The following STMN4 variants were observed in gnomAD, a reference collection of about 807,000 sequenced individuals.
STMN4 encodes stathmin 4, also known as stathmin-4.
Under a neutral mutation model 29.1 loss-of-function variants are expected in STMN4, and 12 were observed. That is an observed-to-expected ratio of 0.41 (90% confidence interval 0.26 to 0.67). STMN4 has a LOEUF of 0.67. Ranked by LOEUF, STMN4 falls within the 30% of genes least tolerant of loss-of-function variation. The pLI, the probability that STMN4 is intolerant of heterozygous loss-of-function variation, is 0.30. For missense variants in STMN4, 181 were observed against 262.8 expected (o/e 0.69, Z 2.15); for synonymous variants, 114 against 105.3 (o/e 1.08, Z -0.51).
intron 6 of STMN4, among the ~76,000 whole-genome samples, chr8:27,237,728 C>T (rs1222177654): frequency 6.6e-6 from 1 of 152,184 alleles, no homozygotes; most frequent in Non-Finnish European, 1.5e-5. Flanking sequence ...TTGGCTGGCT[C>T]ACTTCTCCAA....
chr8:27,251,917 G>C (rs1042403573), intron 1 of STMN4, among the ~76,000 whole-genome samples: 1 of 151,094 alleles, frequency 6.6e-6, no homozygotes, highest in Non-Finnish European at 1.5e-5. Context: ...CCACTAACTC[G>C]TCATCTAGCA....
chr8:27,248,421 C>G (rs1801690096), intron 1 of STMN4, among the ~76,000 whole-genome samples: 1 of 152,054 alleles, frequency 6.6e-6, no homozygotes, highest in African/African-American at 2.4e-5. Context: ...TACTCAGGAA[C>G]ACAGGAGGCC....
chr8:27,242,196 C>T (rs1054059778), intron 3 of STMN4: 9 of 605,492 alleles, frequency 1.5e-5, no homozygotes, highest in African/African-American at 1.3e-4. Context: ...CTGATGCAGA[C>T]CTTCATGGCC....
intron 3 of STMN4, 150 bp from the exon 4 acceptor site, chr8:27,241,907 C>T (rs1801486559): frequency 1.2e-6 from 1 of 824,910 alleles, no homozygotes; most frequent in Non-Finnish European, 2.0e-6. Context: ...CCAGTGCTCC[C>T]TGCTGGTGTC....
At chr8:27,241,620 C>A in intron 4 of STMN4, 57 bp downstream of exon 4, 1 of 1,603,514 alleles carries the variant, frequency 6.2e-7, no homozygotes, top group Admixed American at 1.7e-5. Context: ...CGCCCACCCC[C>A]GGCCACAGCC....
Position 27,246,822 on chromosome 8 carries a change from G to A in STMN4, c.-78-3021C>T, listed in dbSNP as rs146773460. On this transcript the variant is annotated intron_variant, in intron 1 of 6. Coordinates refer to ENST00000350889, the MANE Select transcript of STMN4 (RefSeq NM_030795.4). ...CTGACATCTCAGCTTTGAACTTCCA[G>A]CCTCCCGGTTAGTGGTAAAGTGATG... is the stretch of plus-strand genomic sequence containing the variant. Among the ~76,000 whole-genome samples, 368 of 152,270 alleles carry A rather than the reference G, an allele frequency of 2.4e-3. 2 individuals carry two copies. Among genetic ancestry groups the A allele is most frequent in the African/African-American group, 8.6e-3 (356 of 41,550 alleles).
chr8:27,248,547 C>A (rs767746770), intron 1 of STMN4, among the ~76,000 whole-genome samples: 1 of 152,284 alleles, frequency 6.6e-6, no homozygotes, highest in South Asian at 2.1e-4. Flanking sequence ...CAGTAGGAAG[C>A]CACTGACATC....
intron 3 of STMN4, 77 bp from the exon 4 acceptor site, chr8:27,241,834 C>T (rs1801484720): frequency 1.9e-6 from 3 of 1,559,078 alleles, no homozygotes; most frequent in Admixed American, 3.3e-5. Flanking sequence ...CCCATCTCTG[C>T]TTCTAACCAG....
chr8:27,249,372 G>A (rs1468564747), intron 1 of STMN4, among the ~76,000 whole-genome samples: 1 of 152,216 alleles, frequency 6.6e-6, no homozygotes, highest in Non-Finnish European at 1.5e-5. Context: ...CTTTTCAATG[G>A]TCATGAAACT....
Position 27,241,679 on chromosome 8 carries a change from T to C in STMN4, c.188A>G (p.Gln63Arg). ...TCCCTCCGCTGCCTCCCTCCTACCC[T>C]GAGCTCTTCTTTCTCTCCAGTCAGC... Reference protein sequence around the residue: ...DSADWRERRAQADTVDLNWCV... With the variant: ...DSADWRERRARADTVDLNWCV... The change falls in exon 4 of 7, where the codon CAG becomes CGG. Residue 63 changes from glutamine to arginine, a missense_variant and splice_region_variant. Physicochemically the swap from Gln to Arg is conservative, Grantham distance 43. Coordinates refer to ENST00000350889, the MANE Select transcript of STMN4 (RefSeq NM_030795.4). The C allele has an allele frequency of 6.2e-7, 1 of 1,613,814 alleles. No homozygotes were observed. Among genetic ancestry groups the C allele is most frequent in the South Asian group, 1.1e-5 (1 of 91,076 alleles).
chr8:27,256,897 T>A (rs371999209), intron 1 of STMN4, among the ~76,000 whole-genome samples: 2 of 152,070 alleles, frequency 1.3e-5, no homozygotes, highest in South Asian at 4.1e-4. Context: ...ACTCACTCCC[T>A]ACAGGGCAGC....
chr8:27,251,700 T>A (rs1252895871), intron 1 of STMN4, among the ~76,000 whole-genome samples: 1 of 152,170 alleles, frequency 6.6e-6, no homozygotes, highest in African/African-American at 2.4e-5. Flanking sequence ...TTCTTCTAGG[T>A]TTTTTCCCCT....
chr8:27,239,705 T>C, intron 6 of STMN4: 2 of 1,446,292 alleles, frequency 1.4e-6, no homozygotes, highest in Non-Finnish European at 9.0e-7. Context: ...AAATCAGACA[T>C]ATATGCTCCC....
intron 1 of STMN4, among the ~76,000 whole-genome samples, chr8:27,251,486 T>A (rs1414836350): frequency 1.3e-5 from 2 of 151,968 alleles, no homozygotes; most frequent in African/African-American, 4.8e-5. Flanking sequence ...AAGCCATCAA[T>A]ATACAGGGCA....
chr8:27,238,094 G>C (rs547345724), intron 6 of STMN4, among the ~76,000 whole-genome samples: 1 of 152,302 alleles, frequency 6.6e-6, no homozygotes, highest in Non-Finnish European at 1.5e-5. Flanking sequence ...TAGGAGTGAG[G>C]AGTGGTGTGC....
In STMN4 at chr8:27,243,749, T is replaced by C. The variant is rs1184954800; in HGVS notation, c.-26A>G. The C allele has an allele frequency of 3.7e-6, 6 of 1,614,096 alleles. No individual in the cohort carries two copies. The highest frequency in any genetic ancestry group is 5.1e-6 in the Non-Finnish European group (6 of 1,180,046). On this transcript the variant is annotated 5_prime_UTR_variant, in exon 2 of 7. Transcript: ENST00000350889. Reference sequence around the variant, plus strand: ...GTTTCTGGGATCTGGTGGCTGAATCTAGCTGAAAGTTACAGAGTGGGTCTG... The same window carrying C: ...GTTTCTGGGATCTGGTGGCTGAATCCAGCTGAAAGTTACAGAGTGGGTCTG...
chr8:27,236,922 G>A lies in STMN4; in HGVS notation c.592-17C>T, dbSNP rs1427509315. 1.2e-6 allele frequency: 2 copies of A among 1,604,360 alleles called. No homozygotes were observed. Among genetic ancestry groups the A allele is most frequent in the Non-Finnish European group, 1.7e-6 (2 of 1,175,868 alleles). On this transcript the variant is annotated splice_polypyrimidine_tract_variant and intron_variant, in intron 6 of 6. Coordinates refer to ENST00000350889, the MANE Select transcript of STMN4 (RefSeq NM_030795.4). ...GTGCTTGTCCTGGAAAGGAAGGGAGGGAAAAGGGCAGGTCACACAAGGCTG... is the reference window on the plus strand; with the variant it reads ...GTGCTTGTCCTGGAAAGGAAGGGAGAGAAAAGGGCAGGTCACACAAGGCTG...
chr8:27,236,796 A>C lies in STMN4; in HGVS notation c.*50T>G, dbSNP rs1423244588. 6.6e-7 allele frequency: 1 copy of C among 1,506,424 alleles called. No homozygotes were observed. The highest frequency in any genetic ancestry group is 1.3e-5 in the South Asian group (1 of 75,962). The allele number at this position is 1,506,424 out of a possible 1,614,324, so 93.3% of individuals were successfully genotyped here. ...GCGGGCGAGGCTGCCTGGAACGTGG[A>C]GCTGCTGGAGCTGTCCGGCTGACCT... is the stretch of plus-strand genomic sequence containing the variant. On this transcript the variant is annotated 3_prime_UTR_variant, in exon 7 of 7. Coordinates refer to ENST00000350889, the MANE Select transcript of STMN4 (RefSeq NM_030795.4).
chr8:27,246,910 T>G (rs1801639093), intron 1 of STMN4, among the ~76,000 whole-genome samples: 1 of 152,114 alleles, frequency 6.6e-6, no homozygotes, highest in Non-Finnish European at 1.5e-5. Context: ...AACCCATGGT[T>G]TTTTTCACCT....
Sources: gnomAD v4.1 joint callset for allele counts (sites outside exome capture counted in the v4.1 genomes callset) on GRCh38, gnomAD v4.1.1 for gene constraint, MANE v1.5 for transcripts, NCBI Gene and HGNC (gene_info 2026-07-23, HGNC 2026-07-21) for gene names.